DNM2: variants seen among roughly 807,000 people sequenced by gnomAD.
The protein encoded by DNM2 is dynamin 2.
In DNM2, 15 loss-of-function variants were observed where a neutral mutation model predicts 99.0. The observed-to-expected ratio is 0.15, with a 90% CI of 0.10 to 0.23. DNM2 has a LOEUF of 0.23. DNM2 is among the 10% of genes least tolerant of loss of function. The pLI, the probability that DNM2 is intolerant of heterozygous loss-of-function variation, is 1.00. For synonymous variants in DNM2, 525 were observed against 481.2 expected (o/e 1.09, Z -1.19); for missense variants, 742 against 1,189.4 (o/e 0.62, Z 5.53).
chr19:10,730,305 C>T (rs1386604231), intron 1 of DNM2, among the ~76,000 whole-genome samples: 1 of 152,114 alleles, frequency 6.6e-6, no homozygotes, highest in Admixed American at 6.6e-5. Context: ...GGTGAGACCT[C>T]GTCTCTACCA....
intron 2 of DNM2, chr19:10,768,757 A>C (rs1328418337): frequency 1.3e-5 from 2 of 152,284 alleles, no homozygotes; most frequent in African/African-American, 4.8e-5. Flanking sequence ...GCAGCCGGGC[A>C]GGCAGAACCT....
rs139308391 is a variant in DNM2, at chr19:10,828,059, C to A, written c.2059-977C>A. On this transcript the variant is annotated intron_variant, in intron 18 of 20. Coordinates refer to ENST00000389253, the MANE Select transcript of DNM2 (RefSeq NM_001005361.3). ...ATCCCAGCACTTTGGGAGGCCAAGGCGGGTGGATCACCTGAGGTCAGGAGT... is the reference window on the plus strand; with the variant it reads ...ATCCCAGCACTTTGGGAGGCCAAGGAGGGTGGATCACCTGAGGTCAGGAGT... Among the ~76,000 whole-genome samples the A allele has an allele frequency of 5.9e-3, 903 of 152,034 alleles. 6 individuals are homozygous for A. The highest frequency in any genetic ancestry group is 0.01 in the Non-Finnish European group (690 of 67,972).
At chr19:10,785,958 C>A (rs980775086) in intron 6 of DNM2, among the ~76,000 whole-genome samples, 1 of 151,984 alleles carries the variant, frequency 6.6e-6, no homozygotes, top group Non-Finnish European at 1.5e-5. Flanking sequence ...ACCACCACAC[C>A]GAGATAATTT....
At chr19:10,742,640 C>T (rs979422711) in intron 1 of DNM2, among the ~76,000 whole-genome samples, 2 of 152,160 alleles carry the variant, frequency 1.3e-5, no homozygotes, top group African/African-American at 2.4e-5. Context: ...CTCTGGAGTC[C>T]AAGGTTTCCT....
chr19:10,767,904 TCAAAA>T (rs1208872303), intron 2 of DNM2, among the ~76,000 whole-genome samples: 1 of 151,866 alleles, frequency 6.6e-6, no homozygotes, highest in East Asian at 1.9e-4. Context: ...AGACTCAGTC[TCAAAA>T]CAAACAAACA....
chr19:10,724,063 G>A (rs919200138), intron 1 of DNM2, among the ~76,000 whole-genome samples: 1 of 147,274 alleles, frequency 6.8e-6, no homozygotes, highest in Non-Finnish European at 1.5e-5. Context: ...CAGCCTGGGC[G>A]GAAGAACGAG....
At position 10,765,786 on chromosome 19, in the gene DNM2, G is replaced by C. The variant is rs1370649184; in HGVS notation, c.235+5975G>C. On this transcript the variant is annotated intron_variant, in intron 2 of 20. Coordinates refer to ENST00000389253, the MANE Select transcript of DNM2 (RefSeq NM_001005361.3). This position sits in a 1 kb window ranked among gnomAD's most constrained non-coding sequence, Gnocchi z 4.4. ...GGCAGATCCCCAAGTTGTTCCCCCTGGTCCTGCCTGCCAACAGCAGGTTTG... is the reference window on the plus strand; with the variant it reads ...GGCAGATCCCCAAGTTGTTCCCCCTCGTCCTGCCTGCCAACAGCAGGTTTG... Among the ~76,000 whole-genome samples, 1 of 152,154 alleles carries C rather than the reference G, an allele frequency of 6.6e-6. No individual in the cohort carries two copies. The highest frequency in any genetic ancestry group is 1.9e-4 in the East Asian group (1 of 5,186).
At position 10,817,504 on chromosome 19, in the gene DNM2, G is replaced by A. The variant is rs188428283; in HGVS notation, c.1672-2476G>A. On this transcript the variant is annotated intron_variant, in intron 15 of 20. Coordinates refer to ENST00000389253, the MANE Select transcript of DNM2 (RefSeq NM_001005361.3). This position sits in a 1 kb window ranked among gnomAD's most constrained non-coding sequence, Gnocchi z 4.6. ...TCTGAACACTGGGTTGGCGGGGCCG[G>A]CTATCCATCCTGCAGAACCCCCCAG... 2.3e-3 allele frequency: 1,059 copies of A among 457,332 alleles called. 1 individual carries two copies. Among genetic ancestry groups the A allele is most frequent in the Non-Finnish European group, 3.7e-3 (814 of 221,732 alleles). The allele number at this position is 457,332 out of a possible 1,614,324, so 28.3% of individuals were successfully genotyped here.
chr19:10,781,457 C>T (rs2071368346), intron 5 of DNM2: 1 of 92,608 alleles, frequency 1.1e-5, no homozygotes, highest in African/African-American at 3.9e-5. Context: ...CCTTGCTTCT[C>T]AAGAGAAACA....
intron 1 of DNM2, among the ~76,000 whole-genome samples, chr19:10,726,506 A>C (rs1218819484): frequency 6.6e-6 from 1 of 152,100 alleles, no homozygotes; most frequent in Admixed American, 6.6e-5. Context: ...AGATCCTGAA[A>C]TATCGACCAG....
At chr19:10,760,620 T>C (rs1247182509) in intron 2 of DNM2, among the ~76,000 whole-genome samples, 2 of 151,980 alleles carry the variant, frequency 1.3e-5, no homozygotes, top group African/African-American at 4.8e-5. Context: ...TCTTTTGTAA[T>C]CTCTTCTTCT....
intron 16 of DNM2, among the ~76,000 whole-genome samples, chr19:10,822,362 G>C (rs1447765521): frequency 1.4e-5 from 2 of 146,158 alleles, no homozygotes; most frequent in African/African-American, 2.5e-5. Flanking sequence ...GCTAATTTTT[G>C]TATTTTCTGT....
rs1488606145 is a variant in DNM2 at position 10,817,216 on chromosome 19, G to A, written c.1672-2764G>A. On this transcript the variant is annotated intron_variant, in intron 15 of 20. Transcript: ENST00000389253. This position sits in a 1 kb window ranked among gnomAD's most constrained non-coding sequence, Gnocchi z 4.6. ...AACAAGACATTTACAGCCATGGGGTGGGGATGGCAGACTGATAGGGCCAGG... is the reference window on the plus strand; with the variant it reads ...AACAAGACATTTACAGCCATGGGGTAGGGATGGCAGACTGATAGGGCCAGG... 6.6e-6 allele frequency among the ~76,000 whole-genome samples: 1 copy of A among 152,194 alleles called. No individual in the cohort carries two copies. The highest frequency in any genetic ancestry group is 1.5e-5 in the Non-Finnish European group (1 of 68,024).
Position 10,772,504 on chromosome 19 carries a change from G to A in DNM2, c.261G>A (p.Lys87=), listed in dbSNP as rs1301941108. The stretch of plus-strand genomic sequence containing the variant: ...AACATGCCGAGTTTTTGCACTGCAA[G>A]TCCAAAAAGTTTACAGACTTTGATG... ...KTEHAEFLHC[K]SKKFTDFDEV... The change falls in exon 3 of 21, where the codon AAG becomes AAA. Residue 87 remains lysine (K), a synonymous_variant. Coordinates refer to ENST00000389253, the MANE Select transcript of DNM2 (RefSeq NM_001005361.3). This position sits in a 1 kb window ranked among gnomAD's most constrained non-coding sequence, Gnocchi z 4.9. 6.2e-7 allele frequency: 1 copy of A among 1,614,134 alleles called. No homozygotes were observed. Among genetic ancestry groups the A allele is most frequent in the Non-Finnish European group, 8.5e-7 (1 of 1,180,042 alleles).
At chr19:10,733,191 GTTTT>G (rs34624666) in intron 1 of DNM2, among the ~76,000 whole-genome samples, 2 of 123,772 alleles carry the variant, frequency 1.6e-5, no homozygotes, top group African/African-American at 3.1e-5. Flanking sequence ...GGCTGGTGTG[GTTTT>G]TTTTTTTTTT....
At chr19:10,735,182 T>C (rs140417631) in intron 1 of DNM2, among the ~76,000 whole-genome samples, 130 of 152,292 alleles carry the variant, frequency 8.5e-4, no homozygotes, top group African/African-American at 3.0e-3. Context: ...TAGCTGGGAT[T>C]ACAGGCTGCC....
At chr19:10,802,222 C>G in intron 11 of DNM2, 66 bp from the exon 12 acceptor site, 1 of 1,557,340 alleles carries the variant, frequency 6.4e-7, no homozygotes, top group Non-Finnish European at 8.9e-7. Context: ...CCAGGAAATG[C>G]TCTTGCCGCT....
chr19:10,732,801 C>T (rs2069379113), intron 1 of DNM2, among the ~76,000 whole-genome samples: 1 of 152,078 alleles, frequency 6.6e-6, no homozygotes, highest in African/African-American at 2.4e-5. Flanking sequence ...GCTCCACAGT[C>T]CAAAGTCTCA....
At chr19:10,786,175 A>G (rs1013404229) in intron 6 of DNM2, among the ~76,000 whole-genome samples, 4 of 152,166 alleles carry the variant, frequency 2.6e-5, no homozygotes, top group Non-Finnish European at 5.9e-5. Context: ...TCTTGAGTGC[A>G]TTCTCCACCT....
Sources: allele counts gnomAD v4.1 joint callset (sites outside exome capture counted in the v4.1 genomes callset), GRCh38; gene constraint gnomAD v4.1.1; non-coding constraint Gnocchi (gnomAD v3.1); transcripts MANE v1.5; gene names NCBI Gene and HGNC (gene_info 2026-07-23, HGNC 2026-07-21).